The following ADCY2 variants were observed in gnomAD, a reference collection of about 807,000 sequenced individuals.
The protein encoded by ADCY2 is adenylate cyclase 2, also known as adenylate cyclase type 2.
In ADCY2, 31 loss-of-function variants were observed where a neutral mutation model predicts 125.2. The observed-to-expected ratio is 0.25, with a 90% confidence interval of 0.19 to 0.33. The LOEUF (loss-of-function observed/expected upper bound fraction) is 0.33, where lower values mean the gene tolerates loss of function less well. Ranked by LOEUF, ADCY2 falls within the 10% of genes least tolerant of loss-of-function variation. The probability of loss-of-function intolerance (pLI) is 1.00; values close to 1 mark genes in which losing one functional copy is unlikely to be tolerated. For missense variants in ADCY2, 904 were observed against 1,418.2 expected, an observed-to-expected ratio of 0.64 and a Z score of 5.82; for synonymous variants, 512 against 548.4, an observed-to-expected ratio of 0.93 and a Z score of 0.93.
At chr5:7,763,281 C>A (rs988525313) in intron 16 of ADCY2, among the ~76,000 whole-genome samples, 1 of 151,344 alleles carries the variant, frequency 6.6e-6, no homozygotes, top group Non-Finnish European at 1.5e-5. Context: ...TTAGTAGAGA[C>A]GGGGTTTCAC....
At chr5:7,625,631 G>A (rs779870474) in intron 3 of ADCY2, among the ~76,000 whole-genome samples, 17 of 152,128 alleles carry the variant, frequency 1.1e-4, no homozygotes, top group Non-Finnish European at 2.4e-4. Context: ...CACTTATCCA[G>A]GCTCAGCAAA....
chr5:7,708,069 G>A (rs1446877746), intron 9 of ADCY2: 1 of 455,482 alleles, frequency 2.2e-6, no homozygotes, highest in Non-Finnish European at 3.8e-6. Flanking sequence ...TGTTGATGCA[G>A]GTTGCTAGTT....
intron 3 of ADCY2, among the ~76,000 whole-genome samples, chr5:7,606,384 G>A (rs573382211): frequency 5.1e-4 from 77 of 152,196 alleles, no homozygotes; most frequent in Non-Finnish European, 9.3e-4. Flanking sequence ...ATGTCCAATG[G>A]TGATGTGGAG....
rs990758079 is a variant in ADCY2 at position 7,706,651 on chromosome 5, A to C, written c.1110-93A>C. On this transcript the variant is annotated intron_variant, in intron 7 of 24. Transcript: ENST00000338316. ...TATGGTCATTTCCGACAGTTTGAAA[A>C]ATTCTGAATAATAAAATACTGGGAA... 8.2e-6 allele frequency: 12 copies of C among 1,459,602 alleles called. 1 individual carries two copies. The highest frequency in any genetic ancestry group is 1.8e-4 in the Middle Eastern group (1 of 5,612). 90.4% of individuals were successfully genotyped at this position (1,459,602 alleles called of 1,614,324 possible).
chr5:7,757,646 A>G, intron 16 of ADCY2, 60 bp downstream of exon 16: 1 of 1,559,916 alleles, frequency 6.4e-7, no homozygotes, highest in Non-Finnish European at 8.7e-7. Context: ...GCCGTGTTCA[A>G]CATGGTAAGC....
In ADCY2 at chr5:7,773,038, A is replaced by G. The variant is rs1452083727; in HGVS notation, c.2321A>G (p.Asn774Ser). Reference protein sequence around the residue: ...LIMMVALVGYNTILLHTHAHV... With the variant: ...LIMMVALVGYSTILLHTHAHV... Reference sequence around the variant, plus strand: ...ATGATGGTGGCCTTGGTGGGCTACAACACCATCCTACTCCACACCCACGCC... The same window carrying G: ...ATGATGGTGGCCTTGGTGGGCTACAGCACCATCCTACTCCACACCCACGCC... The change falls in exon 18 of 25, where the codon AAC (asparagine) becomes AGC (serine). Residue 774 changes from asparagine (N) to serine (S), a missense_variant. This residue lies in a region of ADCY2 where 221 missense variants were observed against 246.2 expected (regional missense o/e 0.90). Transcript: ENST00000338316. 7 of 1,614,044 alleles carry G rather than the reference A, an allele frequency of 4.3e-6. No individual in the cohort carries two copies. In the South Asian group the frequency reaches 7.7e-5, roughly 18 times the overall value.
At chr5:7,597,161 T>C (rs10078442) in intron 3 of ADCY2, among the ~76,000 whole-genome samples, 56,529 of 152,162 alleles carry the variant, frequency 0.37, 11,522 homozygotes, top group Non-Finnish European at 0.46. Flanking sequence ...TACTTGCTCC[T>C]TCTTTGCTCT....
chr5:7,560,334 T>G (rs1231328941), intron 3 of ADCY2, among the ~76,000 whole-genome samples: 2 of 152,328 alleles, frequency 1.3e-5, no homozygotes, highest in African/African-American at 4.8e-5. Flanking sequence ...GTGTCATTTT[T>G]AAAGATGGTA....
chr5:7,777,208 A>G (rs1560981872), intron 18 of ADCY2, among the ~76,000 whole-genome samples: 1 of 152,114 alleles, frequency 6.6e-6, no homozygotes, highest in Non-Finnish European at 1.5e-5. Flanking sequence ...GGTGGAAGGT[A>G]CCCATCCTGG....
At chr5:7,675,733 G>A (rs1330931251) in intron 4 of ADCY2, among the ~76,000 whole-genome samples, 1 of 152,194 alleles carries the variant, frequency 6.6e-6, no homozygotes, top group Non-Finnish European at 1.5e-5. Flanking sequence ...AGAATCAGCA[G>A]CCACAACTCT....
At chr5:7,695,537 A>C (rs1740862067) in intron 5 of ADCY2, among the ~76,000 whole-genome samples, 1 of 152,064 alleles carries the variant, frequency 6.6e-6, no homozygotes, top group Admixed American at 6.6e-5. Context: ...TTGCTGCTTC[A>C]CTCCCCATCT....
At chr5:7,718,349 C>T (rs899415667) in intron 12 of ADCY2, among the ~76,000 whole-genome samples, 47 of 151,910 alleles carry the variant, frequency 3.1e-4, no homozygotes, top group African/African-American at 1.1e-3. Context: ...AGGGTTTCAC[C>T]GTGTTAGCCA....
At chr5:7,588,693 A>C (rs1383308949) in intron 3 of ADCY2, among the ~76,000 whole-genome samples, 1 of 152,198 alleles carries the variant, frequency 6.6e-6, no homozygotes, top group African/African-American at 2.4e-5. Flanking sequence ...TGTACACTGA[A>C]ATTTGAAATT....
At chr5:7,406,060 A>T (rs777690645) in intron 1 of ADCY2, among the ~76,000 whole-genome samples, 16 of 151,718 alleles carry the variant, frequency 1.1e-4, no homozygotes, top group Non-Finnish European at 2.1e-4. Context: ...GAGTTTTGCC[A>T]TATTGCCCAG....
Position 7,444,111 on chromosome 5 carries a change from C to CT in ADCY2, c.408+29361dup, listed in dbSNP as rs749823885. Reference sequence around the variant, plus strand: ...GTTCTGCTGGTTTTGGTTTTTATCTCTTTTTTTTTTTTTTTTTTTTGAGAC... The same window carrying CT: ...GTTCTGCTGGTTTTGGTTTTTATCTCTTTTTTTTTTTTTTTTTTTTTGAGAC... On this transcript the variant is annotated intron_variant, in intron 2 of 24. Coordinates refer to ENST00000338316, the MANE Select transcript of ADCY2 (RefSeq NM_020546.3). Among the ~76,000 whole-genome samples, 340 of 99,298 alleles carry CT rather than the reference C, an allele frequency of 3.4e-3. 6 individuals carry two copies. Among genetic ancestry groups the CT allele is most frequent in the South Asian group, 7.2e-3 (20 of 2,788 alleles). 65.1% of individuals were successfully genotyped at this position (99,298 alleles called of 152,430 possible).
At position 7,827,408 on chromosome 5, in the gene ADCY2, C is replaced by A. The variant is rs1020619743; in HGVS notation, c.*537C>A. On this transcript the variant is annotated 3_prime_UTR_variant, in exon 25 of 25. Coordinates refer to ENST00000338316, the MANE Select transcript of ADCY2 (RefSeq NM_020546.3). ...CTCCGTGTGTCTCATGCCAGCAGCA[C>A]GTCGCCATCCGTCACCAGAATTAGT... 1 of 153,192 alleles carries A rather than the reference C, an allele frequency of 6.5e-6. No homozygotes were observed. The highest frequency in any genetic ancestry group is 2.4e-5 in the African/African-American group (1 of 41,438). 9.5% of individuals were successfully genotyped at this position (153,192 alleles called of 1,614,324 possible). A position where few individuals can be genotyped will look rare whatever the true frequency, so the allele number is the denominator to read the frequency against.
intron 2 of ADCY2, among the ~76,000 whole-genome samples, chr5:7,467,468 C>T (rs1000361231): frequency 2.6e-5 from 4 of 152,136 alleles, no homozygotes; most frequent in East Asian, 1.9e-4. Flanking sequence ...CATGGACCGG[C>T]GGGCCATTTT....
chr5:7,405,540 G>T (rs1739450513), intron 1 of ADCY2, among the ~76,000 whole-genome samples: 1 of 152,180 alleles, frequency 6.6e-6, no homozygotes, highest in Non-Finnish European at 1.5e-5. Flanking sequence ...CATTTAGCAG[G>T]CTAGCCTGAG....
At chr5:7,664,653 T>G (rs1373484500) in intron 4 of ADCY2, among the ~76,000 whole-genome samples, 1 of 152,242 alleles carries the variant, frequency 6.6e-6, no homozygotes, top group African/African-American at 2.4e-5. Flanking sequence ...ATATATTTCC[T>G]TGCTATACCT....
Sources: gnomAD v4.1 joint callset for allele counts (sites outside exome capture counted in the v4.1 genomes callset) on GRCh38, gnomAD v4.1.1 for gene constraint, gnomAD v4.1.1 regional missense constraint, MANE v1.5 for transcripts, NCBI Gene and HGNC (gene_info 2026-07-23, HGNC 2026-07-21) for gene names.